Variants in UBAC1 observed in about 807,000 individuals in gnomAD.
UBAC1 encodes ubiquitin-associated domain-containing protein 1.
In UBAC1, 27 loss-of-function variants were observed where a neutral mutation model predicts 45.9. The ratio of observed to expected loss-of-function variants is 0.59; its 90% CI spans 0.43 to 0.81. The LOEUF (loss-of-function observed/expected upper bound fraction) is 0.81. Ranked by LOEUF, UBAC1 falls within the 30% of genes least tolerant of loss-of-function variation. The pLI is 0.00. For synonymous variants in UBAC1, 227 were observed against 215.5 expected (o/e 1.05, Z -0.47); for missense variants, 529 against 539.2 (o/e 0.98, Z 0.19).
intron 3 of UBAC1, among the ~76,000 whole-genome samples, chr9:135,952,388 G>A (rs1839416159): frequency 6.6e-6 from 1 of 152,264 alleles, no homozygotes; most frequent in South Asian, 2.1e-4. Context: ...AGACAGCAGA[G>A]GAAAGTGGCT....
In UBAC1 at chr9:135,961,262, C is replaced by T. The variant is rs1265558311; in HGVS notation, c.-100G>A. The T allele has an allele frequency of 1.9e-6, 2 of 1,078,084 alleles. No individual in the cohort carries two copies. Among genetic ancestry groups the T allele is most frequent in the Non-Finnish European group, 2.3e-6 (2 of 869,806 alleles). The allele number at this position is 1,078,084 out of a possible 1,614,324, so 66.8% of individuals were successfully genotyped here. On this transcript the variant is annotated 5_prime_UTR_variant, in exon 1 of 10. Transcript: ENST00000371756. ...GCGGGGCCAGACCGCCCGCGCGCTCCTTCGCTGGGCCGCCGCCCCGCCCCG... is the reference window on the plus strand; with the variant it reads ...GCGGGGCCAGACCGCCCGCGCGCTCTTTCGCTGGGCCGCCGCCCCGCCCCG...
In UBAC1 at chr9:135,957,943, T is replaced by C. The variant is rs117753465; in HGVS notation, c.139-2528A>G. On this transcript the variant is annotated intron_variant, in intron 1 of 9. Transcript: ENST00000371756. The stretch of plus-strand genomic sequence containing the variant: ...GAGTCCGCGACCATGCCAGGCTATT[T>C]TTTTACATTTTTAGTACAGAAGGGG... Among the ~76,000 whole-genome samples, 19 of 152,074 alleles carry C rather than the reference T, an allele frequency of 1.2e-4. No homozygotes were observed. The East Asian group carries it at 2.7e-3, about 22-fold the overall frequency.
rs1455977081 is a variant in UBAC1, at chr9:135,939,610, A to G, written c.963+63T>C. ...CCCACACTCACTCACCACAGCCCAC[A>G]CTTACCACAGCCCACACTCACTCAC... On this transcript the variant is annotated intron_variant, in intron 8 of 9. Transcript: ENST00000371756. The G allele has an allele frequency of 7.2e-6, 11 of 1,522,390 alleles. No homozygotes were observed. In the East Asian group the frequency reaches 1.4e-4, roughly 19 times the overall value. The allele number at this position is 1,522,390 out of a possible 1,614,324, so 94.3% of individuals were successfully genotyped here.
intron 1 of UBAC1, among the ~76,000 whole-genome samples, chr9:135,958,711 A>T (rs1217856618): frequency 1.3e-5 from 2 of 152,198 alleles, no homozygotes; most frequent in Non-Finnish European, 2.9e-5. Flanking sequence ...CGGCTTCCAG[A>T]GAGACATTCA....
At chr9:135,947,951 G>A (rs1452141429) in intron 3 of UBAC1, 46 bp from the exon 4 acceptor site, 1 of 1,546,754 alleles carries the variant, frequency 6.5e-7, no homozygotes. Context: ...CGTAAGAGCA[G>A]CAAAAAGACG....
At chr9:135,948,524 C>T (rs971345042) in intron 3 of UBAC1, among the ~76,000 whole-genome samples, 3 of 152,266 alleles carry the variant, frequency 2.0e-5, no homozygotes, top group African/African-American at 7.2e-5. Context: ...AGCGCTCCAT[C>T]CCCCGCCACC....
intron 3 of UBAC1, among the ~76,000 whole-genome samples, chr9:135,952,397 C>T (rs886075266): frequency 9.8e-5 from 15 of 152,386 alleles, no homozygotes; most frequent in African/African-American, 3.6e-4. Context: ...AGGAAAGTGG[C>T]TGCCCTTCTA....
At chr9:135,949,614 G>C (rs1197006070) in intron 3 of UBAC1, among the ~76,000 whole-genome samples, 1 of 152,208 alleles carries the variant, frequency 6.6e-6, no homozygotes, top group Non-Finnish European at 1.5e-5. Flanking sequence ...GCTGGAATAC[G>C]AGGCCTCCAG....
chr9:135,956,595 AGCACACCACCGCACAGCACAGCACC>A (rs1396166242), intron 1 of UBAC1, among the ~76,000 whole-genome samples: 2 of 151,730 alleles, frequency 1.3e-5, no homozygotes, highest in Non-Finnish European at 2.9e-5. Flanking sequence ...AGCACAGCAC[AGCACACCACCGCACAGCACAGCACC>A]GCACACCACA....
chr9:135,946,537 C>A (rs1212601726), intron 4 of UBAC1, among the ~76,000 whole-genome samples, 166 bp from the exon 5 acceptor site: 4 of 152,192 alleles, frequency 2.6e-5, no homozygotes, highest in African/African-American at 7.2e-5. Context: ...ATTGGCAGGG[C>A]CAAGAGCCTC....
intron 1 of UBAC1, among the ~76,000 whole-genome samples, chr9:135,958,783 C>G (rs183993824): frequency 6.6e-6 from 1 of 152,162 alleles, no homozygotes; most frequent in South Asian, 2.1e-4. Context: ...TGCAGAACCA[C>G]GCTGGGATGT....
chr9:135,935,224 TA>T (rs1483448129), intron 9 of UBAC1, among the ~76,000 whole-genome samples: 1 of 152,192 alleles, frequency 6.6e-6, no homozygotes, highest in Non-Finnish European at 1.5e-5. Flanking sequence ...CTGTATATCC[TA>T]ACTTCTGTAT....
In UBAC1 at chr9:135,961,241, G is replaced by A. The variant is rs1588538355; in HGVS notation, c.-79C>T. 1.6e-6 allele frequency: 2 copies of A among 1,279,046 alleles called. No individual in the cohort carries two copies. Among genetic ancestry groups the A allele is most frequent in the Non-Finnish European group, 2.0e-6 (2 of 1,007,450 alleles). 79.2% of individuals were successfully genotyped at this position (1,279,046 alleles called of 1,614,324 possible). A position where few individuals can be genotyped will look rare whatever the true frequency, so the allele number is the denominator to read the frequency against. ...GGGAAGGCGGGCGGGGAGGGGGCGG[G>A]GCCAGACCGCCCGCGCGCTCCTTCG... On this transcript the variant is annotated 5_prime_UTR_variant, in exon 1 of 10. Coordinates refer to ENST00000371756, the MANE Select transcript of UBAC1 (RefSeq NM_016172.3).
chr9:135,946,183 G>A (rs1839331884), intron 5 of UBAC1, 86 bp downstream of exon 5: 2 of 1,107,374 alleles, frequency 1.8e-6, no homozygotes, highest in Admixed American at 1.8e-5. Flanking sequence ...TGAGGTTCCG[G>A]TCAGTGGTCA....
At position 135,939,673 on chromosome 9, in the gene UBAC1, C is replaced by T. The variant is rs1298374866; in HGVS notation, c.963G>A (p.Ala321=). ...TCACTCACCACAGCCCAACACTCACCGCGGCATTCTGCTGGTTGTTGTTCA... is the reference window on the plus strand; with the variant it reads ...TCACTCACCACAGCCCAACACTCACTGCGGCATTCTGCTGGTTGTTGTTCA... ...LRVNNNQQNA[A]CEWLLGDRKP... Residue 321 remains alanine, a splice_region_variant and synonymous_variant, in exon 8 of 10, where the codon GCG becomes GCA. Transcript: ENST00000371756. 2.0e-5 allele frequency: 32 copies of T among 1,612,608 alleles called. No individual in the cohort carries two copies. Among genetic ancestry groups the T allele is most frequent in the East Asian group, 1.6e-4 (7 of 44,900 alleles).
At chr9:135,944,621 C>A in intron 7 of UBAC1, among the ~76,000 whole-genome samples, 1 of 152,214 alleles carries the variant, frequency 6.6e-6, no homozygotes, top group East Asian at 1.9e-4. Context: ...CTCATGGACA[C>A]CCCCGACGGC....
intron 9 of UBAC1, among the ~76,000 whole-genome samples, chr9:135,935,522 G>A (rs1839193069): frequency 6.6e-6 from 1 of 152,182 alleles, no homozygotes; most frequent in Admixed American, 6.5e-5. Context: ...GTGCATGCCT[G>A]TAGTCATAAC....
rs200087166 is a variant in UBAC1 at position 135,946,420 on chromosome 9, A to T, written c.442-49T>A. On this transcript the variant is annotated intron_variant, in intron 4 of 9. Coordinates refer to ENST00000371756, the MANE Select transcript of UBAC1 (RefSeq NM_016172.3). Reference sequence around the variant, plus strand: ...AATTCTCTAAATGTCCACCAAACCTACTTGGATCTATGACTTGCTCCCCTG... The same window carrying T: ...AATTCTCTAAATGTCCACCAAACCTTCTTGGATCTATGACTTGCTCCCCTG... The T allele has an allele frequency of 4.2e-6, 5 of 1,202,786 alleles. No individual in the cohort carries two copies. The African/African-American group carries it at 7.5e-5, about 18-fold the overall frequency. 74.5% of individuals were successfully genotyped at this position (1,202,786 alleles called of 1,614,324 possible). A position where few individuals can be genotyped will look rare whatever the true frequency, so the allele number is the denominator to read the frequency against.
chr9:135,946,653 C>G (rs1291040852), intron 4 of UBAC1, among the ~76,000 whole-genome samples: 1 of 152,192 alleles, frequency 6.6e-6, no homozygotes, highest in Non-Finnish European at 1.5e-5. Context: ...AACCGTCGGC[C>G]CAGCTGGCGC....
Sources: gnomAD v4.1 joint callset for allele counts (sites outside exome capture counted in the v4.1 genomes callset) on GRCh38, gnomAD v4.1.1 for gene constraint, MANE v1.5 for transcripts, NCBI Gene and HGNC (gene_info 2026-07-23, HGNC 2026-07-21) for gene names.